BEGAIN: variants seen among roughly 807,000 people sequenced by gnomAD.
The protein encoded by BEGAIN is brain enriched guanylate kinase associated, also known as brain-enriched guanylate kinase-associated protein.
BEGAIN carries 19 observed loss-of-function variants against 35.8 expected under a neutral mutation model. That is an observed-to-expected ratio of 0.53 (90% CI 0.37 to 0.78). The LOEUF is 0.78. Among genes scored for constraint, BEGAIN ranks in the 30% least tolerant of loss-of-function variants. The probability of loss-of-function intolerance (pLI) is 0.00; values close to 1 mark genes in which losing one functional copy is unlikely to be tolerated. For synonymous variants in BEGAIN, 462 were observed against 388.6 expected (o/e 1.19, Z -2.22); for missense variants, 795 against 853.6 (o/e 0.93, Z 0.85).
At position 100,573,094 on chromosome 14, in the gene BEGAIN, T is replaced by G. The variant is rs2035120603; in HGVS notation, c.43-5155A>C. ...AGGGTGGGGCAGGAAAGGGGTGCAG[T>G]GATGAACACAGAGGCCCGGATGAAG... On this transcript the variant is annotated intron_variant, in intron 1 of 6. Transcript: ENST00000554140. This position sits in a 1 kb window ranked among gnomAD's most constrained non-coding sequence, Gnocchi z 4.2. 6.7e-6 allele frequency among the ~76,000 whole-genome samples: 1 copy of G among 150,336 alleles called. No individual in the cohort carries two copies. The highest frequency in any genetic ancestry group is 2.5e-5 in the African/African-American group (1 of 40,666).
intron 2 of BEGAIN, among the ~76,000 whole-genome samples, chr14:100,556,675 G>A (rs1032872001): frequency 1.3e-5 from 2 of 152,210 alleles, no homozygotes; most frequent in Non-Finnish European, 2.9e-5. Context: ...GGGCACAGGG[G>A]CTGTCTCCTC....
intron 1 of BEGAIN, chr14:100,569,037 G>T (rs2139729040): frequency 9.1e-6 from 7 of 767,916 alleles, no homozygotes; most frequent in Non-Finnish European, 1.1e-5. Flanking sequence ...CAGCCCGGCC[G>T]CAGCGCCAAG....
Position 100,568,115 on chromosome 14 carries a change from G to T in BEGAIN, c.43-176C>A. 9.8e-7 allele frequency: 1 copy of T among 1,021,342 alleles called. No individual in the cohort carries two copies. Among genetic ancestry groups the T allele is most frequent in the Non-Finnish European group, 1.2e-6 (1 of 854,586 alleles). The allele number at this position is 1,021,342 out of a possible 1,614,324, so 63.3% of individuals were successfully genotyped here. Reference sequence around the variant, plus strand: ...CCGGCCGCGGCCCCCGTGACTCAGTGGGCGCGCCGGGCCGCGGCCGAGTAA... The same window carrying T: ...CCGGCCGCGGCCCCCGTGACTCAGTTGGCGCGCCGGGCCGCGGCCGAGTAA... On this transcript the variant is annotated intron_variant, in intron 1 of 6. Coordinates refer to ENST00000554140, the MANE Select transcript of BEGAIN (RefSeq NM_001385089.1). This position sits in a 1 kb window ranked among gnomAD's most constrained non-coding sequence, Gnocchi z 7.5.
chr14:100,546,334 G>GCCCCA (rs1249283464), intron 3 of BEGAIN, 167 bp downstream of exon 3: 3 of 469,860 alleles, frequency 6.4e-6, no homozygotes, highest in Non-Finnish European at 3.1e-6. Context: ...CTCGGGCCCT[G>GCCCCA]CCCCACCCCG....
chr14:100,544,872 A>G (rs4074037), intron 4 of BEGAIN, 128 bp downstream of exon 4: 424,418 of 936,688 alleles, frequency 0.45, 107,420 homozygotes, highest in African/African-American at 0.89. Context: ...CACATGTTCC[A>G]TGGAGAAAGG....
intron 5 of BEGAIN, 109 bp downstream of exon 5, chr14:100,543,749 C>T (rs777302855): frequency 8.2e-6 from 7 of 848,980 alleles, no homozygotes; most frequent in Non-Finnish European, 1.3e-5. Flanking sequence ...GCCAAAGCAG[C>T]TGAGCTCAGG....
chr14:100,582,066 A>G lies in BEGAIN; in HGVS notation c.42+5183T>C, dbSNP rs564420612. On this transcript the variant is annotated intron_variant, in intron 1 of 6. Transcript: ENST00000554140. Reference sequence around the variant, plus strand: ...GCGGGCATGCGCCAGGGGCCGCAGCATAGGCCAGCAGAGGTGTGGTCACCT... The same window carrying G: ...GCGGGCATGCGCCAGGGGCCGCAGCGTAGGCCAGCAGAGGTGTGGTCACCT... Among the ~76,000 whole-genome samples the G allele has an allele frequency of 5.9e-5, 9 of 152,354 alleles. 2 individuals are homozygous for G. In the South Asian group the frequency reaches 1.9e-3, roughly 32 times the overall value.
chr14:100,578,135 C>T (rs2035242416), intron 1 of BEGAIN, among the ~76,000 whole-genome samples: 1 of 152,220 alleles, frequency 6.6e-6, no homozygotes, highest in Admixed American at 6.5e-5. Context: ...GCCTCCCACC[C>T]CCAAATCGAT....
In BEGAIN at chr14:100,571,112, C is replaced by T. The variant is rs547547349; in HGVS notation, c.43-3173G>A. Among the ~76,000 whole-genome samples, 4 of 152,302 alleles carry T rather than the reference C, an allele frequency of 2.6e-5. No homozygotes were observed. In the East Asian group the frequency reaches 7.7e-4, roughly 29 times the overall value. On this transcript the variant is annotated intron_variant, in intron 1 of 6. Coordinates refer to ENST00000554140, the MANE Select transcript of BEGAIN (RefSeq NM_001385089.1). ...GGCACAGTCCTTCCCCGCCTCTGGG[C>T]GCTGTCCAGCCCCATTCACACCCGC...
At chr14:100,581,476 C>T (rs1237541144) in intron 1 of BEGAIN, among the ~76,000 whole-genome samples, 1 of 152,078 alleles carries the variant, frequency 6.6e-6, no homozygotes, top group African/African-American at 2.4e-5. Flanking sequence ...GCTCCTGGCA[C>T]CGCAGCCCCT....
At chr14:100,562,593 C>T (rs571846902) in intron 2 of BEGAIN, among the ~76,000 whole-genome samples, 22 of 151,340 alleles carry the variant, frequency 1.5e-4, no homozygotes, top group Non-Finnish European at 1.9e-4. Flanking sequence ...CCCCGTCGCT[C>T]GAGCCTCCAA....
intron 2 of BEGAIN, among the ~76,000 whole-genome samples, chr14:100,552,563 G>A (rs2033310156): frequency 6.6e-6 from 1 of 152,220 alleles, no homozygotes; most frequent in Admixed American, 6.5e-5. Context: ...AAGGAAAGGT[G>A]GGCAGGGGCA....
rs192557310 is a variant in BEGAIN, at chr14:100,551,959, G to A, written c.72-5297C>T. Among the ~76,000 whole-genome samples the A allele has an allele frequency of 2.0e-5, 3 of 152,252 alleles. No individual in the cohort carries two copies. The East Asian group carries it at 5.8e-4, about 29-fold the overall frequency. On this transcript the variant is annotated intron_variant, in intron 2 of 6. Coordinates refer to ENST00000554140, the MANE Select transcript of BEGAIN (RefSeq NM_001385089.1). ...AGGTCTACCCTCAGCAAATGACCCC[G>A]GTGCTGCTGAGCGAACAGAAAACAG...
In BEGAIN at chr14:100,538,320, G is replaced by C; in HGVS notation, c.1488C>G (p.Ser496=). 1 of 1,521,944 alleles carries C rather than the reference G, an allele frequency of 6.6e-7. No individual in the cohort carries two copies. The highest frequency in any genetic ancestry group is 1.3e-5 in the South Asian group (1 of 79,122). 94.3% of individuals were successfully genotyped at this position (1,521,944 alleles called of 1,614,324 possible). The change falls in exon 7 of 7, where the codon TCC becomes TCG. Residue 496 remains serine, a synonymous_variant. Transcript: ENST00000554140. The part of the protein sequence containing the change: ...LYASYKADSF[S]EGDDLSQGHL... ...GGCCCTGGGAGAGGTCGTCCCCCTC[G>C]GAGAAGCTGTCGGCCTTGTAGCTGG...
chr14:100,561,308 G>A (rs983976636), intron 2 of BEGAIN, among the ~76,000 whole-genome samples: 2 of 152,226 alleles, frequency 1.3e-5, no homozygotes, highest in Non-Finnish European at 2.9e-5. Context: ...AGAGCCACCC[G>A]AGACGGGCAG....
intron 2 of BEGAIN, among the ~76,000 whole-genome samples, chr14:100,565,220 G>T (rs966556346): frequency 6.6e-6 from 1 of 152,186 alleles, no homozygotes; most frequent in Admixed American, 6.5e-5. Context: ...AAAACCCCAG[G>T]GAAAAGGCGA....
chr14:100,585,414 T>A (rs865872512), intron 1 of BEGAIN, among the ~76,000 whole-genome samples: 4 of 56,530 alleles, frequency 7.1e-5, no homozygotes, highest in Non-Finnish European at 1.0e-4. Flanking sequence ...CCTCCCTCCC[T>A]CCCATCCATC....
In BEGAIN at chr14:100,539,291, C is replaced by T. The variant is rs779124211; in HGVS notation, c.517G>A (p.Val173Met). ...CCGTGCTTCTCCATGTGCAGGCTCACGCGCTCCTGGAAATCCGAGGGCAGC... is the reference window on the plus strand; with the variant it reads ...CCGTGCTTCTCCATGTGCAGGCTCATGCGCTCCTGGAAATCCGAGGGCAGC... The part of the protein sequence containing the change: ...SELPSDFQER[V>M]SLHMEKHGCS... Residue 173 changes from valine (V) to methionine (M), a missense_variant, in exon 7 of 7, where the codon GTG becomes ATG. Around this residue, in one of 3 missense-constraint regions of BEGAIN, gnomAD observed 664 missense variants for 647.7 expected, o/e 1.03. Transcript: ENST00000554140. 1.2e-5 allele frequency: 19 copies of T among 1,566,036 alleles called. No individual in the cohort carries two copies. Among genetic ancestry groups the T allele is most frequent in the African/African-American group, 6.8e-5 (5 of 73,420 alleles).
Position 100,568,189 on chromosome 14 carries a change from C to T in BEGAIN, c.43-250G>A. 3.6e-6 allele frequency: 3 copies of T among 823,388 alleles called. No individual in the cohort carries two copies. Among genetic ancestry groups the T allele is most frequent in the South Asian group, 8.8e-5 (2 of 22,834 alleles). 51.0% of individuals were successfully genotyped at this position (823,388 alleles called of 1,614,324 possible). On this transcript the variant is annotated intron_variant, in intron 1 of 6. Transcript: ENST00000554140. This position sits in a 1 kb window ranked among gnomAD's most constrained non-coding sequence, Gnocchi z 7.5. ...GCGCTCCCCGCACCGAGTTACGCCCCCCGGGGCGAAGAAGGGGCCGGCCCG... is the reference window on the plus strand; with the variant it reads ...GCGCTCCCCGCACCGAGTTACGCCCTCCGGGGCGAAGAAGGGGCCGGCCCG...
Sources: allele counts gnomAD v4.1 joint callset (sites outside exome capture counted in the v4.1 genomes callset), GRCh38; gene constraint gnomAD v4.1.1; regional missense constraint gnomAD v4.1.1; non-coding constraint Gnocchi (gnomAD v3.1); transcripts MANE v1.5; gene names NCBI Gene and HGNC (gene_info 2026-07-23, HGNC 2026-07-21).